Variants in SGPP2 observed in about 807,000 individuals in gnomAD.
SGPP2 encodes sphingosine 1-phosphate phosphohydrolase 2.
SGPP2 carries 30 observed loss-of-function variants against 33.9 expected under a neutral mutation model. That is an observed-to-expected ratio of 0.89 (90% CI 0.66 to 1.20). The LOEUF (loss-of-function observed/expected upper bound fraction) is 1.20. Among genes scored for constraint, SGPP2 ranks in the 50% most tolerant of loss-of-function variants. The pLI, the probability that SGPP2 is intolerant of heterozygous loss-of-function variation, is 0.00. For missense variants in SGPP2, 458 were observed against 532.1 expected (o/e 0.86, Z 1.37); for synonymous variants, 233 against 225.0 (o/e 1.04, Z -0.32).
chr2:222,558,519 G>A lies in SGPP2; in HGVS notation c.821G>A (p.Arg274Gln), dbSNP rs368194576. ...GTTTCTGATTACTACAGCCCAACCC[G>A]GGCGGACACCACCACCATTCTGGCT... is the stretch of plus-strand genomic sequence containing the variant. ...YPVSDYYSPT[R>Q]ADTTTILAAG... is the part of the protein sequence containing the mutation. Residue 274 changes from arginine (R) to glutamine (Q), a missense_variant, in exon 5 of 5, where the codon CGG becomes CAG. Coordinates refer to ENST00000321276, the MANE Select transcript of SGPP2 (RefSeq NM_152386.4). 11 of 1,614,124 alleles carry A rather than the reference G, an allele frequency of 6.8e-6. No individual in the cohort carries two copies. The highest frequency in any genetic ancestry group is 2.2e-5 in the East Asian group (1 of 44,878).
At chr2:222,483,964 G>T (rs114035889) in intron 2 of SGPP2, among the ~76,000 whole-genome samples, 1 of 152,172 alleles carries the variant, frequency 6.6e-6, no homozygotes, top group Non-Finnish European at 1.5e-5. Context: ...AGAATTAGGC[G>T]TCAGAGATTC....
intron 4 of SGPP2, among the ~76,000 whole-genome samples, chr2:222,545,886 A>G (rs1360666058): frequency 6.6e-6 from 1 of 152,226 alleles, no homozygotes; most frequent in Non-Finnish European, 1.5e-5. Context: ...TCACAGCCAT[A>G]AAACTGCCTG....
At chr2:222,468,591 T>C (rs1161225527) in intron 1 of SGPP2, among the ~76,000 whole-genome samples, 1 of 152,136 alleles carries the variant, frequency 6.6e-6, no homozygotes, top group Non-Finnish European at 1.5e-5. Flanking sequence ...GGGCATTCGC[T>C]CCTCTGCTGT....
At position 222,435,593 on chromosome 2, in the gene SGPP2, A is replaced by G. The variant is rs1383776000; in HGVS notation, c.219+10772A>G. 2.6e-5 allele frequency among the ~76,000 whole-genome samples: 4 copies of G among 152,374 alleles called. No homozygotes were observed. In the East Asian group the frequency reaches 7.7e-4, roughly 29 times the overall value. ...GTCTAACATAATACAACTATCCTTC[A>G]TACAACAGGAAATTCACCACGCCCC... On this transcript the variant is annotated intron_variant, in intron 1 of 4. Coordinates refer to ENST00000321276, the MANE Select transcript of SGPP2 (RefSeq NM_152386.4).
chr2:222,488,390 G>C (rs1698144790), intron 2 of SGPP2, among the ~76,000 whole-genome samples: 1 of 152,200 alleles, frequency 6.6e-6, no homozygotes, highest in African/African-American at 2.4e-5. Context: ...TTAGGAGCAT[G>C]CACCCTATTG....
Position 222,559,203 on chromosome 2 carries a change from C to T in SGPP2, c.*305C>T. 4.6e-6 allele frequency: 1 copy of T among 217,518 alleles called. No individual in the cohort carries two copies. Among genetic ancestry groups the T allele is most frequent in the East Asian group, 9.8e-5 (1 of 10,200 alleles). The allele number at this position is 217,518 out of a possible 1,614,324, so 13.5% of individuals were successfully genotyped here. ...CCGGCCCCTGCTCCTCTCGCTGTTG[C>T]ACGGGCTTTGGATCTAGTCATGGGC... is the stretch of plus-strand genomic sequence containing the variant. On this transcript the variant is annotated 3_prime_UTR_variant, in exon 5 of 5. Coordinates refer to ENST00000321276, the MANE Select transcript of SGPP2 (RefSeq NM_152386.4).
chr2:222,484,276 G>T lies in SGPP2; in HGVS notation c.378+9550G>T, dbSNP rs577936680. On this transcript the variant is annotated intron_variant, in intron 2 of 4. Transcript: ENST00000321276. ...CGTCCCTCTCTCCTTCCTTCCTGCT[G>T]CCCCTTCCCCACAGCTGCTAAGACT... Among the ~76,000 whole-genome samples the T allele has an allele frequency of 5.9e-5, 9 of 152,200 alleles. No individual in the cohort carries two copies. In the East Asian group the frequency reaches 1.5e-3, roughly 26 times the overall value.
intron 2 of SGPP2, among the ~76,000 whole-genome samples, chr2:222,520,144 G>A (rs1698661337): frequency 6.6e-6 from 1 of 152,152 alleles, no homozygotes; most frequent in Non-Finnish European, 1.5e-5. Context: ...CAGTGTATAA[G>A]CATTTCCTTT....
intron 2 of SGPP2, among the ~76,000 whole-genome samples, chr2:222,514,092 A>G (rs1330367456): frequency 6.6e-6 from 1 of 152,220 alleles, no homozygotes; most frequent in African/African-American, 2.4e-5. Flanking sequence ...ACTTACACAT[A>G]CAATTTTTTA....
intron 4 of SGPP2, among the ~76,000 whole-genome samples, chr2:222,551,651 C>T (rs898568887): frequency 3.3e-5 from 5 of 152,030 alleles, no homozygotes; most frequent in Admixed American, 6.5e-5. Flanking sequence ...AAAATCTCAC[C>T]GACAGCCATA....
intron 4 of SGPP2, among the ~76,000 whole-genome samples, chr2:222,549,485 A>C (rs1448828737): frequency 6.6e-6 from 1 of 152,216 alleles, no homozygotes; most frequent in African/African-American, 2.4e-5. Context: ...AAAACACTCT[A>C]TTTTATGTGT....
At chr2:222,528,254 G>A (rs113799835) in intron 4 of SGPP2, among the ~76,000 whole-genome samples, 1,530 of 152,276 alleles carry the variant, frequency 0.01, 11 homozygotes, top group Non-Finnish European at 0.015. Flanking sequence ...CAGATGAATG[G>A]ATGAACATAG....
chr2:222,546,959 C>G (rs185392736), intron 4 of SGPP2, among the ~76,000 whole-genome samples: 22 of 152,036 alleles, frequency 1.4e-4, no homozygotes, highest in Middle Eastern at 6.8e-3. Flanking sequence ...GGGAGTTTGT[C>G]AGAAATGCGG....
intron 2 of SGPP2, 105 bp downstream of exon 2, chr2:222,474,831 T>TTA: frequency 1.3e-6 from 1 of 783,230 alleles, no homozygotes; most frequent in Admixed American, 3.6e-5. Flanking sequence ...TTTTTTTTTT[T>TTA]ACCACTTAGA....
chr2:222,467,973 A>C (rs970776895), intron 1 of SGPP2, among the ~76,000 whole-genome samples: 24 of 135,534 alleles, frequency 1.8e-4, no homozygotes, highest in African/African-American at 6.1e-4. Context: ...AAAAAAAAAA[A>C]AAAAAAAAAA....
chr2:222,496,695 A>G (rs949377485), intron 2 of SGPP2, among the ~76,000 whole-genome samples: 1 of 152,078 alleles, frequency 6.6e-6, no homozygotes, highest in Non-Finnish European at 1.5e-5. Flanking sequence ...CATGCCCTAC[A>G]TATCCAGTAG....
chr2:222,436,591 A>G (rs1574829661), intron 1 of SGPP2, among the ~76,000 whole-genome samples: 1 of 152,184 alleles, frequency 6.6e-6, no homozygotes, highest in Non-Finnish European at 1.5e-5. Context: ...GCATGAGCCC[A>G]CTGCCATACT....
chr2:222,449,479 T>TC, intron 1 of SGPP2, among the ~76,000 whole-genome samples: 1 of 151,428 alleles, frequency 6.6e-6, no homozygotes, highest in East Asian at 1.9e-4. Context: ...AATTTTTTTT[T>TC]TTTTTTTTGA....
chr2:222,434,144 A>G (rs1480780074), intron 1 of SGPP2, among the ~76,000 whole-genome samples: 1 of 152,176 alleles, frequency 6.6e-6, no homozygotes, highest in Admixed American at 6.5e-5. Flanking sequence ...TATATTAGGA[A>G]TCTATGAAAA....
Sources: gnomAD v4.1 joint callset for allele counts (sites outside exome capture counted in the v4.1 genomes callset) on GRCh38, gnomAD v4.1.1 for gene constraint, MANE v1.5 for transcripts, NCBI Gene and HGNC (gene_info 2026-07-23, HGNC 2026-07-21) for gene names.